Variants in FGF6 observed in about 807,000 individuals in gnomAD.
FGF6 encodes FGF-6.
FGF6 carries 14 observed loss-of-function variants against 18.4 expected under a neutral mutation model. The observed-to-expected ratio is 0.76, with a 90% confidence interval of 0.50 to 1.19. The LOEUF (loss-of-function observed/expected upper bound fraction) is 1.19, where lower values mean the gene tolerates loss of function less well. FGF6 is among the 50% of genes most tolerant of loss of function. The pLI, the probability that FGF6 is intolerant of heterozygous loss-of-function variation, is 0.00. For synonymous variants in FGF6, 125 were observed against 116.7 expected (o/e 1.07, Z -0.46); for missense variants, 266 against 271.6 (o/e 0.98, Z 0.15).
At chr12:4,444,261 T>G in intron 1 of FGF6, 25 bp from the exon 2 acceptor site, 1 of 1,489,086 alleles carries the variant, frequency 6.7e-7, no homozygotes, top group Non-Finnish European at 9.4e-7. Context: ...GGGGCCACAT[T>G]ACCTAAGGCT....
intron 2 of FGF6, among the ~76,000 whole-genome samples, chr12:4,441,329 G>A (rs181991664): frequency 1.2e-4 from 19 of 152,268 alleles, no homozygotes; most frequent in East Asian, 1.2e-3. Context: ...CTCGGGTCGC[G>A]GAGCCCTGAG....
In FGF6 at chr12:4,445,757, CG is replaced by C. The variant is rs781361156; in HGVS notation, c.-188del. ...AGAGGGACCCAGGCTGAGCCGCGGC[CG>C]GTAGAGACCATGGCTCGGGGACGCT... On this transcript the variant is annotated 5_prime_UTR_variant, in exon 1 of 3. It introduces an in-frame stop codon into an upstream open reading frame of the 5' UTR. Transcript: ENST00000228837. This position sits in a 1 kb window ranked among gnomAD's most constrained non-coding sequence, Gnocchi z 5.5. 1.7e-6 allele frequency: 1 copy of C among 592,850 alleles called. No homozygotes were observed. Among genetic ancestry groups the C allele is most frequent in the Non-Finnish European group, 3.0e-6 (1 of 336,044 alleles). The allele number at this position is 592,850 out of a possible 1,614,324, so 36.7% of individuals were successfully genotyped here.
At position 4,434,303 on chromosome 12, in the gene FGF6, T is replaced by G; in HGVS notation, c.539A>C (p.Tyr180Ser). Reference sequence around the variant, plus strand: ...CCGTCCGTATTTGCTCAGGGCAATGTAGGTCCCTTGGTACAAGTCTGACTC... The same window carrying G: ...CCGTCCGTATTTGCTCAGGGCAATGGAGGTCCCTTGGTACAAGTCTGACTC... ...AYESDLYQGT[Y>S]IALSKYGRVK... Residue 180 changes from tyrosine (Y) to serine (S), a missense_variant, in exon 3 of 3, where the codon TAC becomes TCC. Coordinates refer to ENST00000228837, the MANE Select transcript of FGF6 (RefSeq NM_020996.3). 1 of 1,614,186 alleles carries G rather than the reference T, an allele frequency of 6.2e-7. No individual in the cohort carries two copies. The highest frequency in any genetic ancestry group is 2.2e-5 in the East Asian group (1 of 44,882).
In FGF6 at chr12:4,445,279, G is replaced by A. The variant is rs757600194; in HGVS notation, c.292C>T (p.Leu98Phe). The A allele has an allele frequency of 1.2e-6, 2 of 1,614,034 alleles. No individual in the cohort carries two copies. The highest frequency in any genetic ancestry group is 2.2e-5 in the South Asian group (2 of 91,086). ...ATCCGGCCGTCGGGGAGCACCTGGA[G>A]GTGAAAGCCGATGCCCACGTTGCAG... Reference protein sequence around the residue: ...LYCNVGIGFHLQVLPDGRISG... With the variant: ...LYCNVGIGFHFQVLPDGRISG... Residue 98 changes from leucine to phenylalanine, a missense_variant, in exon 1 of 3, where the codon CTC becomes TTC. Coordinates refer to ENST00000228837, the MANE Select transcript of FGF6 (RefSeq NM_020996.3). The surrounding 1 kb of genome is among the most constrained non-coding windows in gnomAD (Gnocchi z 5.5).
rs372503617 is a variant in FGF6, at chr12:4,434,328, C to T, written c.514G>A (p.Glu172Lys). The T allele has an allele frequency of 6.8e-6, 11 of 1,613,972 alleles. No homozygotes were observed. The highest frequency in any genetic ancestry group is 3.3e-5 in the Admixed American group (2 of 60,000). The change falls in exon 3 of 3, where the codon GAG becomes AAG. Residue 172 changes from glutamate (E) to lysine (K), a missense_variant. Transcript: ENST00000228837. ...TAGGTCCCTTGGTACAAGTCTGACT[C>T]GTAGGCATTGTAATTGTTGGGCAGG... ...TLLPNNYNAY[E>K]SDLYQGTYIA... is the part of the protein sequence containing the mutation.
chr12:4,438,684 CG>C (rs1865651693), intron 2 of FGF6, among the ~76,000 whole-genome samples: 1 of 121,502 alleles, frequency 8.2e-6, no homozygotes, highest in South Asian at 2.8e-4. Context: ...TCTCTTGGAC[CG>C]GGGAGGTGGA....
At chr12:4,438,751 C>CA (rs386375443) in intron 2 of FGF6, among the ~76,000 whole-genome samples, 2,744 of 39,694 alleles carry the variant, frequency 0.069, 914 homozygotes, top group African/African-American at 0.17. Context: ...GACTCTATCT[C>CA]AAAAAAAAAA....
rs763008206 is a variant in FGF6, at chr12:4,434,155, G to T, written c.*60C>A. The T allele has an allele frequency of 1.5e-4, 242 of 1,569,234 alleles. No individual in the cohort carries two copies. Among genetic ancestry groups the T allele is most frequent in the Non-Finnish European group, 2.1e-4 (240 of 1,143,966 alleles). On this transcript the variant is annotated 3_prime_UTR_variant, in exon 3 of 3. Transcript: ENST00000228837. ...GGAGGGCAAGGGGAATTCTTCGCTG[G>T]TGCAAAATTTCAATCGAACAGATGA... is the stretch of plus-strand genomic sequence containing the variant.
Position 4,445,673 on chromosome 12 carries a change from G to T in FGF6, c.-103C>A. 1.1e-6 allele frequency: 1 copy of T among 911,738 alleles called. No individual in the cohort carries two copies. The highest frequency in any genetic ancestry group is 1.6e-6 in the Non-Finnish European group (1 of 619,260). The allele number at this position is 911,738 out of a possible 1,614,324, so 56.5% of individuals were successfully genotyped here. ...TGGCGGCAGGGGCTTATTTTTGGAAGGCAGATGAAGGCTGCTGACATGAAA... is the reference window on the plus strand; with the variant it reads ...TGGCGGCAGGGGCTTATTTTTGGAATGCAGATGAAGGCTGCTGACATGAAA... On this transcript the variant is annotated 5_prime_UTR_variant, in exon 1 of 3. Coordinates refer to ENST00000228837, the MANE Select transcript of FGF6 (RefSeq NM_020996.3). This position sits in a 1 kb window ranked among gnomAD's most constrained non-coding sequence, Gnocchi z 5.5.
intron 2 of FGF6, among the ~76,000 whole-genome samples, chr12:4,436,493 C>T (rs1050621590): frequency 6.7e-5 from 10 of 149,904 alleles, no homozygotes; most frequent in African/African-American, 1.7e-4. Context: ...GGTATGATGG[C>T]GCATGCCTGT....
At chr12:4,439,301 G>A (rs1047985188) in intron 2 of FGF6, among the ~76,000 whole-genome samples, 2 of 152,108 alleles carry the variant, frequency 1.3e-5, no homozygotes, top group African/African-American at 4.8e-5. Flanking sequence ...TTCTAACTTT[G>A]TATGTCCCTG....
chr12:4,438,751 C>CAAAAAAAA lies in FGF6; in HGVS notation c.451-4368_451-4361dup, dbSNP rs386375443. ...CTGGTGACAGAGCGAGACTCTATCT[C>CAAAAAAAA]AAAAAAAAAAAAAAAAAAAAAAAAA... On this transcript the variant is annotated intron_variant, in intron 2 of 2. Coordinates refer to ENST00000228837, the MANE Select transcript of FGF6 (RefSeq NM_020996.3). 1.5e-4 allele frequency among the ~76,000 whole-genome samples: 6 copies of CAAAAAAAA among 39,728 alleles called. 2 individuals carry two copies. The highest frequency in any genetic ancestry group is 3.3e-3 in the South Asian group (2 of 606). The allele number at this position is 39,728 out of a possible 152,430, so 26.1% of individuals were successfully genotyped here.
chr12:4,442,790 T>G (rs903818745), intron 2 of FGF6, among the ~76,000 whole-genome samples: 18 of 152,202 alleles, frequency 1.2e-4, no homozygotes, highest in Admixed American at 6.5e-5. Context: ...CTGTCTCATC[T>G]CACTCGCCCT....
chr12:4,444,042 A>C, intron 2 of FGF6, 91 bp downstream of exon 2: 1 of 788,748 alleles, frequency 1.3e-6, no homozygotes. Flanking sequence ...TTAGATAGTC[A>C]CTTCTCTACT....
intron 1 of FGF6, 40 bp from the exon 2 acceptor site, chr12:4,444,276 C>A: frequency 1.4e-6 from 2 of 1,401,850 alleles, no homozygotes; most frequent in Admixed American, 1.7e-5. Flanking sequence ...AAGGCTTGTG[C>A]AAATCAGAGT....
chr12:4,438,965 C>T (rs950365962), intron 2 of FGF6, among the ~76,000 whole-genome samples: 1 of 151,940 alleles, frequency 6.6e-6, no homozygotes, highest in African/African-American at 2.4e-5. Context: ...AAAGATGATA[C>T]CGGTGCGTGC....
rs765053412 is a variant in FGF6 at position 4,445,564 on chromosome 12, G to A, written c.7C>T (p.Leu3=). The A allele has an allele frequency of 1.9e-6, 3 of 1,584,788 alleles. No individual in the cohort carries two copies. In the East Asian group the frequency reaches 6.8e-5, roughly 36 times the overall value. Residue 3 remains leucine (L), a synonymous_variant, in exon 1 of 3, where the codon CTG becomes TTG. Transcript: ENST00000228837. The surrounding 1 kb of genome is among the most constrained non-coding windows in gnomAD (Gnocchi z 5.5). ...ATAGTGATGAACAGTTTCTGTCCCAGGGCCATCCACCTTGCCTCTCAGGCA... is the reference window on the plus strand; with the variant it reads ...ATAGTGATGAACAGTTTCTGTCCCAAGGCCATCCACCTTGCCTCTCAGGCA... The part of the protein sequence containing the change: MA[L]GQKLFITMSR...
chr12:4,445,328 C>T lies in FGF6; in HGVS notation c.243G>A (p.Gly81=). ...GVNWESGYLV[G]IKRQRRLYCN... ...AGTAGAGCCTCCGCTGCCGCTTGAT[C>T]CCCACCAAATAGCCACTTTCCCAGT... Residue 81 remains glycine, a synonymous_variant, in exon 1 of 3, where the codon GGG becomes GGA. Coordinates refer to ENST00000228837, the MANE Select transcript of FGF6 (RefSeq NM_020996.3). The surrounding 1 kb of genome is among the most constrained non-coding windows in gnomAD (Gnocchi z 5.5). The T allele has an allele frequency of 6.2e-7, 1 of 1,614,084 alleles. No homozygotes were observed. The highest frequency in any genetic ancestry group is 8.5e-7 in the Non-Finnish European group (1 of 1,180,032).
rs1865742556 is a variant in FGF6 at position 4,445,164 on chromosome 12, C to G, written c.346+61G>C. ...GTCCGCTAGAGCAGGGCCCCTTCACCTTTTAGCCCTGCATGAGCCCAAACC... is the reference window on the plus strand; with the variant it reads ...GTCCGCTAGAGCAGGGCCCCTTCACGTTTTAGCCCTGCATGAGCCCAAACC... On this transcript the variant is annotated intron_variant, in intron 1 of 2. Coordinates refer to ENST00000228837, the MANE Select transcript of FGF6 (RefSeq NM_020996.3). This position sits in a 1 kb window ranked among gnomAD's most constrained non-coding sequence, Gnocchi z 5.5. The G allele has an allele frequency of 7.1e-7, 1 of 1,413,938 alleles. No individual in the cohort carries two copies. The highest frequency in any genetic ancestry group is 1.3e-5 in the South Asian group (1 of 78,968). The allele number at this position is 1,413,938 out of a possible 1,614,324, so 87.6% of individuals were successfully genotyped here. A position where few individuals can be genotyped will look rare whatever the true frequency, so the allele number is the denominator to read the frequency against.
Sources: allele counts gnomAD v4.1 joint callset (sites outside exome capture counted in the v4.1 genomes callset), GRCh38; gene constraint gnomAD v4.1.1; non-coding constraint Gnocchi (gnomAD v3.1); transcripts MANE v1.5; gene names NCBI Gene and HGNC (gene_info 2026-07-23, HGNC 2026-07-21).